RASAL2: variants seen among roughly 807,000 people sequenced by gnomAD.
RASAL2 encodes the protein RAS protein activator like 2, also known as ras GTPase-activating protein nGAP.
In RASAL2, 58 loss-of-function variants were observed where a neutral mutation model predicts 128.9. The ratio of observed to expected loss-of-function variants is 0.45; its 90% CI spans 0.36 to 0.56. RASAL2 has a LOEUF of 0.56. Ranked by LOEUF, RASAL2 falls within the 20% of genes least tolerant of loss-of-function variation. The probability of loss-of-function intolerance (pLI) is 0.00; values close to 1 mark genes in which losing one functional copy is unlikely to be tolerated. For synonymous variants in RASAL2, 561 were observed against 580.8 expected (o/e 0.97, Z 0.49); for missense variants, 1,360 against 1,601.6 (o/e 0.85, Z 2.57).
At chr1:178,456,100 T>G (rs1000037655) in intron 12 of RASAL2, among the ~76,000 whole-genome samples, 1 of 152,214 alleles carries the variant, frequency 6.6e-6, no homozygotes, top group East Asian at 1.9e-4. Flanking sequence ...TGCTGTTAAA[T>G]TAACAATAAA....
At chr1:178,231,137 C>T (rs1663991683) in intron 1 of RASAL2, among the ~76,000 whole-genome samples, 1 of 152,140 alleles carries the variant, frequency 6.6e-6, no homozygotes, top group Non-Finnish European at 1.5e-5. Context: ...TTCCCTGGTG[C>T]TGGCTGCAAC....
intron 1 of RASAL2, among the ~76,000 whole-genome samples, chr1:178,110,643 T>TAC (rs1659281116): frequency 2.2e-5 from 1 of 46,046 alleles, no homozygotes; most frequent in South Asian, 1.1e-3. Flanking sequence ...TATACATATA[T>TAC]ATATATATAT....
At chr1:178,161,065 C>G (rs922582172) in intron 1 of RASAL2, among the ~76,000 whole-genome samples, 10 of 151,626 alleles carry the variant, frequency 6.6e-5, no homozygotes, top group Non-Finnish European at 1.5e-4. Flanking sequence ...TTTTCTTTCT[C>G]TTTTTACTCA....
chr1:178,303,577 G>A (rs1667862792), intron 3 of RASAL2, among the ~76,000 whole-genome samples: 1 of 151,978 alleles, frequency 6.6e-6, no homozygotes. Context: ...ACCGTGGGTT[G>A]GACAAGTTTG....
rs1571964752 is a variant in RASAL2 at position 178,380,611 on chromosome 1, C to A, written c.458-9489C>A. 2.6e-5 allele frequency among the ~76,000 whole-genome samples: 4 copies of A among 152,184 alleles called. No individual in the cohort carries two copies. The East Asian group carries it at 7.7e-4, about 29-fold the overall frequency. ...GGGGCAGGTGTCCAGACAAAGTATG[C>A]TTAACTATTTTTTAGTTGTTAAAAT... is the stretch of plus-strand genomic sequence containing the variant. On this transcript the variant is annotated intron_variant, in intron 3 of 17. Coordinates refer to ENST00000367649, the MANE Select transcript of RASAL2 (RefSeq NM_170692.4).
intron 4 of RASAL2, among the ~76,000 whole-genome samples, chr1:178,411,230 C>T (rs781388366): frequency 1.9e-4 from 28 of 150,496 alleles, no homozygotes; most frequent in Admixed American, 4.0e-4. Context: ...CAAAAAGGAA[C>T]GAAATAATGG....
chr1:178,159,409 T>A (rs574424293), intron 1 of RASAL2, among the ~76,000 whole-genome samples: 1 of 152,274 alleles, frequency 6.6e-6, no homozygotes, highest in Admixed American at 6.5e-5. Context: ...ATATCTTATT[T>A]CAGAGTAGTG....
At chr1:178,220,931 A>T (rs1403806446) in intron 1 of RASAL2, among the ~76,000 whole-genome samples, 1 of 152,230 alleles carries the variant, frequency 6.6e-6, no homozygotes, top group Admixed American at 6.5e-5. Context: ...CATTTGGGTA[A>T]ACACCAAAGA....
intron 1 of RASAL2, among the ~76,000 whole-genome samples, chr1:178,168,065 A>G (rs957784321): frequency 3.3e-5 from 5 of 152,100 alleles, no homozygotes; most frequent in African/African-American, 9.7e-5. Flanking sequence ...AGCTTGATTC[A>G]TGGCACAAGC....
intron 4 of RASAL2, among the ~76,000 whole-genome samples, chr1:178,411,188 AC>A (rs1674356796): frequency 2.0e-5 from 3 of 148,506 alleles, no homozygotes; most frequent in Non-Finnish European, 4.5e-5. Flanking sequence ...ACACACACAC[AC>A]ACACCCCATG....
intron 3 of RASAL2, among the ~76,000 whole-genome samples, chr1:178,314,963 C>A (rs931215924): frequency 1.4e-5 from 2 of 138,250 alleles, no homozygotes; most frequent in African/African-American, 5.4e-5. Context: ...CCACAGTCCC[C>A]AGAGTGTGAT....
chr1:178,253,404 G>A (rs1489999391), intron 1 of RASAL2, among the ~76,000 whole-genome samples: 1 of 152,096 alleles, frequency 6.6e-6, no homozygotes, highest in Non-Finnish European at 1.5e-5. Context: ...CTTTTGGGGG[G>A]CATACAATTC....
intron 3 of RASAL2, among the ~76,000 whole-genome samples, chr1:178,321,851 G>A (rs535581058): frequency 6.6e-6 from 1 of 151,896 alleles, no homozygotes; most frequent in Non-Finnish European, 1.5e-5. Flanking sequence ...AGCTGGGTGA[G>A]GTGGTGCATG....
chr1:178,138,610 T>C (rs1660414982), intron 1 of RASAL2, among the ~76,000 whole-genome samples: 2 of 152,172 alleles, frequency 1.3e-5, no homozygotes, highest in Admixed American at 1.3e-4. Flanking sequence ...TTAATTTGAT[T>C]CTGAGCTGCA....
intron 4 of RASAL2, among the ~76,000 whole-genome samples, chr1:178,408,419 A>G (rs918650375): frequency 1.1e-4 from 17 of 152,184 alleles, no homozygotes; most frequent in African/African-American, 3.9e-4. Flanking sequence ...TTATATTTGG[A>G]TTTTTTTATT....
intron 1 of RASAL2, among the ~76,000 whole-genome samples, chr1:178,236,047 C>T (rs1276031170): frequency 6.6e-6 from 1 of 151,884 alleles, no homozygotes; most frequent in African/African-American, 2.4e-5. Context: ...CTTTCTCCTG[C>T]CTACCAGTAT....
intron 6 of RASAL2, 64 bp from the exon 7 acceptor site, chr1:178,441,485 C>G (rs1676648027): frequency 8.6e-7 from 1 of 1,167,700 alleles, no homozygotes. Flanking sequence ...ATGCTGTGAA[C>G]CCTAATGACA....
At chr1:178,432,914 C>T (rs1219981000) in intron 5 of RASAL2, among the ~76,000 whole-genome samples, 1 of 152,060 alleles carries the variant, frequency 6.6e-6, no homozygotes, top group African/African-American at 2.4e-5. Context: ...ACTCCTTAGC[C>T]AAGGTAGTTT....
chr1:178,439,698 A>C, intron 6 of RASAL2, 123 bp downstream of exon 6: 1 of 837,532 alleles, frequency 1.2e-6, no homozygotes, highest in Non-Finnish European at 1.7e-6. Context: ...CAGTTGCTAG[A>C]AATTATCTAC....
Sources: gnomAD v4.1 joint callset for allele counts (sites outside exome capture counted in the v4.1 genomes callset) on GRCh38, gnomAD v4.1.1 for gene constraint, MANE v1.5 for transcripts, NCBI Gene and HGNC (gene_info 2026-07-23, HGNC 2026-07-21) for gene names.